The following BRI3 variants were observed in gnomAD, a reference collection of about 807,000 sequenced individuals.
The protein encoded by BRI3 is brain protein I3, also known as membrane protein BRI3.
Under a neutral mutation model 12.8 loss-of-function variants are expected in BRI3, and 6 were observed. The observed-to-expected ratio is 0.47, with a 90% CI of 0.26 to 0.93. BRI3 has a LOEUF of 0.93. Among genes scored for constraint, BRI3 ranks in the 40% least tolerant of loss-of-function variants. The pLI is 0.15. For synonymous variants in BRI3, 91 were observed against 76.1 expected, an observed-to-expected ratio of 1.20 and a Z score of -1.02; for missense variants, 134 against 171.1, an observed-to-expected ratio of 0.78 and a Z score of 1.21.
intron 1 of BRI3, among the ~76,000 whole-genome samples, chr7:98,300,543 C>T (rs1235172116): frequency 6.6e-6 from 1 of 152,216 alleles, no homozygotes; most frequent in Non-Finnish European, 1.5e-5. Context: ...AAGCTGCTGG[C>T]TGAGATTTCA....
chr7:98,319,128 T>A, the BRI3 span, among the ~76,000 whole-genome samples: 3,683 of 152,094 alleles, frequency 0.024, 146 homozygotes, highest in African/African-American at 0.084. Context: ...GAGGGATGAT[T>A]CCAGGGCAAC....
chr7:98,320,827 ACT>A, the BRI3 span, among the ~76,000 whole-genome samples: 1 of 151,396 alleles, frequency 6.6e-6, no homozygotes, highest in Non-Finnish European at 1.5e-5. Flanking sequence ...ACAAATGCAA[ACT>A]CTGTTCAAAT....
chr7:98,286,371 G>A (rs1285965625), intron 2 of BRI3, among the ~76,000 whole-genome samples: 1 of 152,250 alleles, frequency 6.6e-6, no homozygotes, highest in Non-Finnish European at 1.5e-5. Context: ...CAGGACTGGA[G>A]TCGCCTTAAG....
chr7:98,287,533 C>T (rs1799750120), intron 2 of BRI3, among the ~76,000 whole-genome samples: 1 of 152,180 alleles, frequency 6.6e-6, no homozygotes, highest in South Asian at 2.1e-4. Context: ...GGAAGAGAGG[C>T]GCCGGGGCCT....
downstream of BRI3, chr7:98,293,073 A>T: frequency 9.9e-6 from 7 of 703,902 alleles, no homozygotes; most frequent in Non-Finnish European, 1.1e-5. Flanking sequence ...TTTGCATGCT[A>T]AGATGCAAAC....
Position 98,281,915 on chromosome 7 carries a change from G to A in BRI3, c.120G>A (p.Pro40=). The A allele has an allele frequency of 7.7e-7, 1 of 1,301,710 alleles. No homozygotes were observed. The allele number at this position is 1,301,710 out of a possible 1,614,324, so 80.6% of individuals were successfully genotyped here. ...YGAIPAAPPP[P]PYPYLVTGIP... is the part of the protein sequence containing the mutation. ...CCATCCCCGCCGCGCCCCCGCCGCC[G>A]CCCTACCCCTACCTCGTCACAGGTG... Residue 40 remains proline (P), a synonymous_variant, in exon 1 of 3, where the codon CCG becomes CCA. Transcript: ENST00000297290.
intron 2 of BRI3, among the ~76,000 whole-genome samples, chr7:98,288,788 A>AGGTTGGAGCGGG (rs11275179): frequency 6.6e-6 from 1 of 150,564 alleles, no homozygotes; most frequent in East Asian, 2.0e-4. Context: ...TTTTGTAGGG[A>AGGTTGGAGCGGG]GGGGTCTTTG....
chr7:98,319,011 C>T, the BRI3 span, among the ~76,000 whole-genome samples: 18,069 of 151,144 alleles, frequency 0.12, 1,354 homozygotes, highest in South Asian at 0.23. Context: ...AATTAGATAA[C>T]GTATGTAAAT....
At chr7:98,281,961 C>T (rs568868731) in intron 1 of BRI3, 24 bp downstream of exon 1, 43 of 1,289,646 alleles carry the variant, frequency 3.3e-5, no homozygotes, top group Non-Finnish European at 4.0e-5. Context: ...CAACTTTCCC[C>T]GCCGGCGGCT....
chr7:98,313,792 CT>C (rs543402978), downstream of BRI3, among the ~76,000 whole-genome samples: 792 of 132,866 alleles, frequency 6.0e-3, 1 homozygote, highest in African/African-American at 6.8e-3. Context: ...CTAATTAAAA[CT>C]TTTTTTTTTT....
In BRI3 at chr7:98,281,912, G is replaced by A; in HGVS notation, c.117G>A (p.Pro39=). 1.5e-6 allele frequency: 2 copies of A among 1,291,512 alleles called. No homozygotes were observed. Among genetic ancestry groups the A allele is most frequent in the South Asian group, 2.3e-5 (1 of 44,284 alleles). The allele number at this position is 1,291,512 out of a possible 1,614,324, so 80.0% of individuals were successfully genotyped here. A position where few individuals can be genotyped will look rare whatever the true frequency, so the allele number is the denominator to read the frequency against. The change falls in exon 1 of 3, where the codon CCG becomes CCA. Residue 39 remains proline (P), a synonymous_variant. Transcript: ENST00000297290. ...GCGCCATCCCCGCCGCGCCCCCGCCGCCGCCCTACCCCTACCTCGTCACAG... is the reference window on the plus strand; with the variant it reads ...GCGCCATCCCCGCCGCGCCCCCGCCACCGCCCTACCCCTACCTCGTCACAG... ...GYGAIPAAPP[P]PPYPYLVTGI... is the part of the protein sequence containing the mutation.
chr7:98,307,230 C>T (rs1045613878), intron 1 of BRI3: 2 of 239,664 alleles, frequency 8.3e-6, no homozygotes, highest in Non-Finnish European at 7.3e-6. Flanking sequence ...CTCAGCCTCC[C>T]GAGTAGCTGG....
Position 98,291,491 on chromosome 7 carries a change from A to C in BRI3, c.*248A>C. 7.6e-7 allele frequency: 1 copy of C among 1,323,260 alleles called. No homozygotes were observed. The highest frequency in any genetic ancestry group is 1.7e-5 in the South Asian group (1 of 58,684). The allele number at this position is 1,323,260 out of a possible 1,614,324, so 82.0% of individuals were successfully genotyped here. A position where few individuals can be genotyped will look rare whatever the true frequency, so the allele number is the denominator to read the frequency against. On this transcript the variant is annotated 3_prime_UTR_variant, in exon 3 of 3. Transcript: ENST00000297290. ...AGTCTTCAATTTGAGAAAGGTGAGA[A>C]ATAATGTTTTCAATAAATGAGATTC... is the stretch of plus-strand genomic sequence containing the variant.
chr7:98,289,567 C>CG lies in BRI3; in HGVS notation c.246-1544_246-1543insG, dbSNP rs551174774. The stretch of plus-strand genomic sequence containing the variant: ...ACTGCCTTGCTGTAGGCTCCCCTTC[C>CG]CCCCTAAGCACCAGGTCCCATCATC... On this transcript the variant is annotated intron_variant, in intron 2 of 2. Transcript: ENST00000297290. Among the ~76,000 whole-genome samples, 134 of 152,362 alleles carry CG rather than the reference C, an allele frequency of 8.8e-4. 1 individual carries two copies. The highest frequency in any genetic ancestry group is 3.4e-3 in the Middle Eastern group (1 of 294).
chr7:98,309,053 TCTTTCTG>T (rs1335824996), exon 2 of BRI3: 1 of 152,094 alleles, frequency 6.6e-6, no homozygotes. Flanking sequence ...ATGCAAGATC[TCTTTCTG>T]CTTTATTCTT....
chr7:98,293,680 C>G (rs1417335507), downstream of BRI3: 4 of 1,369,604 alleles, frequency 2.9e-6, no homozygotes, highest in African/African-American at 5.6e-5. Flanking sequence ...CCGTTCTTGC[C>G]CTGTGAGACT....
exon 2 of BRI3, chr7:98,309,388 C>G (rs934045828): frequency 6.6e-6 from 1 of 151,524 alleles, no homozygotes; most frequent in Non-Finnish European, 1.5e-5. Context: ...CTCCTGACAT[C>G]GAGATCCACC....
intron 2 of BRI3, among the ~76,000 whole-genome samples, chr7:98,286,777 T>C (rs909570795): frequency 8.5e-5 from 13 of 152,252 alleles, no homozygotes; most frequent in Admixed American, 6.5e-5. Flanking sequence ...GTTAAAACTT[T>C]AATATTTCTG....
At chr7:98,320,160 G>A in the BRI3 span, 1 of 1,597,198 alleles carries the variant, frequency 6.3e-7, no homozygotes, top group East Asian at 2.2e-5. Context: ...ATTCATACCA[G>A]GTTTGAGATT....
Sources: gnomAD v4.1 joint callset for allele counts (sites outside exome capture counted in the v4.1 genomes callset) on GRCh38, gnomAD v4.1.1 for gene constraint, MANE v1.5 for transcripts, NCBI Gene and HGNC (gene_info 2026-07-23, HGNC 2026-07-21) for gene names.